Variants in SUN1 observed in about 807,000 individuals in gnomAD.
SUN1 encodes Sad1 and UNC84 domain containing 1.
In SUN1, 61 loss-of-function variants were observed where a neutral mutation model predicts 103.2. The ratio of observed to expected loss-of-function variants is 0.59; its 90% CI spans 0.48 to 0.73. SUN1 has a LOEUF of 0.73. Ranked by LOEUF, SUN1 falls within the 30% of genes least tolerant of loss-of-function variation. SUN1 has a pLI of 0.00. For missense variants in SUN1, 1,052 were observed against 1,034.6 expected, an observed-to-expected ratio of 1.02 and a Z score of -0.23; for synonymous variants, 490 against 425.7, an observed-to-expected ratio of 1.15 and a Z score of -1.86.
In SUN1 at chr7:842,021, T is replaced by C; in HGVS notation, c.342T>C (p.Ser114=). 6.2e-7 allele frequency: 1 copy of C among 1,614,214 alleles called. No homozygotes were observed. Among genetic ancestry groups the C allele is most frequent in the Non-Finnish European group, 8.5e-7 (1 of 1,180,030 alleles). The change falls in exon 3 of 19, where the codon TCT becomes TCC. Residue 114 remains serine, a synonymous_variant. Transcript: ENST00000401592. ...INHVSRQVTS[S]GVSHGGTVSL... is the part of the protein sequence containing the mutation. ...ACGTGTCAAGGCAGGTCACGTCCTC[T>C]GGCGTCAGCCACGGCGGCACTGTCA...
Position 869,463 on chromosome 7 carries a change from A to G in SUN1, c.2095A>G (p.Thr699Ala), listed in dbSNP as rs1839834866. 6.2e-7 allele frequency: 1 copy of G among 1,613,804 alleles called. No homozygotes were observed. The highest frequency in any genetic ancestry group is 2.2e-5 in the East Asian group (1 of 44,872). The part of the protein sequence containing the change: ...AAFTLEHIPK[T>A]LSPTGNISSA... ...CTTCACTCTGGAGCACATCCCTAAG[A>G]CGCTGTCGCCAACAGGCAACATCAG... is the stretch of plus-strand genomic sequence containing the variant. The change falls in exon 17 of 19, where the codon ACG (threonine) becomes GCG (alanine). Residue 699 changes from threonine (T) to alanine (A), a missense_variant. Around this residue, in one of 2 missense-constraint regions of SUN1, gnomAD observed 206 missense variants for 260.1 expected, o/e 0.79. Transcript: ENST00000401592.
intron 1 of SUN1, among the ~76,000 whole-genome samples, chr7:834,295 G>A (rs2128235528): frequency 6.6e-6 from 1 of 152,338 alleles, no homozygotes; most frequent in South Asian, 2.1e-4. Context: ...TAAAGGTGGG[G>A]GGCTCTCTGA....
chr7:873,429 G>C lies in SUN1; in HGVS notation c.*98G>C. 1 of 1,126,692 alleles carries C rather than the reference G, an allele frequency of 8.9e-7. No homozygotes were observed. Among genetic ancestry groups the C allele is most frequent in the East Asian group, 2.4e-5 (1 of 41,896 alleles). 69.8% of individuals were successfully genotyped at this position (1,126,692 alleles called of 1,614,324 possible). On this transcript the variant is annotated 3_prime_UTR_variant, in exon 19 of 19. Coordinates refer to ENST00000401592, the MANE Select transcript of SUN1 (RefSeq NM_001130965.3). ...CGAGGGCATATACAATGATGGGACA[G>C]TGCCACACTCCTTCAATAAACGTGG... is the stretch of plus-strand genomic sequence containing the variant.
At chr7:831,322 C>A (rs902177581), upstream of SUN1, among the ~76,000 whole-genome samples, 1 of 149,002 alleles carries the variant, frequency 6.7e-6, no homozygotes, top group South Asian at 2.1e-4. Flanking sequence ...CCCAGGCTGG[C>A]GTACAGTGGT....
chr7:852,165 AT>A, intron 7 of SUN1, 122 bp downstream of exon 7: 1 of 911,400 alleles, frequency 1.1e-6, no homozygotes, highest in Non-Finnish European at 1.7e-6. Context: ...GTGTTTGTAT[AT>A]TTTACAAAAG....
intron 5 of SUN1, chr7:849,928 G>A (rs201557688): frequency 2.1e-5 from 34 of 1,596,044 alleles, no homozygotes; most frequent in Middle Eastern, 1.7e-4. Flanking sequence ...TGCAGGCGAC[G>A]ACTGTAAGGG....
chr7:845,327 C>CG (rs1358626497), intron 5 of SUN1, among the ~76,000 whole-genome samples: 1 of 152,210 alleles, frequency 6.6e-6, no homozygotes, highest in African/African-American at 2.4e-5. Context: ...CCGCGGATGT[C>CG]GGTCTTGGGT....
intron 15 of SUN1, among the ~76,000 whole-genome samples, chr7:865,154 G>A (rs767760425): frequency 1.3e-5 from 2 of 152,090 alleles, no homozygotes; most frequent in African/African-American, 2.4e-5. Flanking sequence ...TGACAGGCTC[G>A]CTGTATCACC....
At position 838,960 on chromosome 7, in the gene SUN1, T is replaced by C; in HGVS notation, c.240T>C (p.Ala80=). 6 of 1,602,552 alleles carry C rather than the reference T, an allele frequency of 3.7e-6. No individual in the cohort carries two copies. Among genetic ancestry groups the C allele is most frequent in the Non-Finnish European group, 5.1e-6 (6 of 1,175,542 alleles). ...GTGCCGACAGCGGCACCAGCAGCGC[T>C]GTCTCCCTGAAGAACCGAGCGGCCA... ...AVGADSGTSS[A]VSLKNRAART... Residue 80 remains alanine, a synonymous_variant, in exon 2 of 19, where the codon GCT becomes GCC. Coordinates refer to ENST00000401592, the MANE Select transcript of SUN1 (RefSeq NM_001130965.3).
intron 17 of SUN1, among the ~76,000 whole-genome samples, chr7:872,247 C>A (rs761656803): frequency 6.6e-6 from 1 of 152,102 alleles, no homozygotes; most frequent in Non-Finnish European, 1.5e-5. Context: ...AACGGGGAAT[C>A]GTGCTGACCT....
At chr7:821,986 C>T (rs1786549950) in intron 1 of SUN1, among the ~76,000 whole-genome samples, 2 of 152,144 alleles carry the variant, frequency 1.3e-5, no homozygotes, top group Non-Finnish European at 2.9e-5. Context: ...AAAGCCTGCC[C>T]TCGTTTTCTT....
Position 847,981 on chromosome 7 carries a change from G to A in SUN1, c.659-3403G>A, listed in dbSNP as rs1241502313. ...GCAGCGCCCTCTCTGGGATCTCCTG[G>A]GGGTTACTCCGCAGTCCAGTCTCCG... On this transcript the variant is annotated intron_variant, in intron 5 of 18. Transcript: ENST00000401592. Among the ~76,000 whole-genome samples the A allele has an allele frequency of 7.3e-5, 11 of 149,890 alleles. 1 individual carries two copies. Among genetic ancestry groups the A allele is most frequent in the Admixed American group, 2.0e-4 (3 of 15,138 alleles).
intron 6 of SUN1, 138 bp from the exon 7 acceptor site, chr7:851,812 C>T (rs1822442115): frequency 7.3e-6 from 6 of 818,150 alleles, no homozygotes; most frequent in Middle Eastern, 2.3e-4. Context: ...CCTGCCGTGG[C>T]GACTAGCATC....
chr7:847,095 G>A (rs1337649703), intron 5 of SUN1, among the ~76,000 whole-genome samples: 6 of 152,220 alleles, frequency 3.9e-5, no homozygotes, highest in African/African-American at 7.2e-5. Flanking sequence ...TCAGAGGTAC[G>A]AAGCAAATGG....
chr7:825,577 TA>T (rs1305838830), intron 1 of SUN1, among the ~76,000 whole-genome samples: 1 of 152,230 alleles, frequency 6.6e-6, no homozygotes, highest in African/African-American at 2.4e-5. Context: ...TTTTAGGTTG[TA>T]GTCATTTATT....
At chr7:862,348 C>T (rs1008023203) in intron 15 of SUN1, among the ~76,000 whole-genome samples, 3 of 152,076 alleles carry the variant, frequency 2.0e-5, no homozygotes, top group African/African-American at 4.8e-5. Context: ...CATGTGGTTG[C>T]GCAGGATCCT....
rs1420292798 is a variant in SUN1 at position 869,396 on chromosome 7, G to C, written c.2028G>C (p.Gly676=). 5 of 1,613,740 alleles carry C rather than the reference G, an allele frequency of 3.1e-6. No individual in the cohort carries two copies. In the African/African-American group the frequency reaches 4.0e-5, roughly 13 times the overall value. ...GCTGGGCATTTAAAGGCTCCCAGGG[G>C]TACCTGGTGGTGAGGCTCTCCATGA... ...GNCWAFKGSQ[G]YLVVRLSMMI... Residue 676 remains glycine (G), a synonymous_variant, in exon 17 of 19, where the codon GGG becomes GGC. Coordinates refer to ENST00000401592, the MANE Select transcript of SUN1 (RefSeq NM_001130965.3).
Position 851,407 on chromosome 7 carries a change from C to G in SUN1, c.682C>G (p.Arg228Gly). 1 of 1,607,618 alleles carries G rather than the reference C, an allele frequency of 6.2e-7. No homozygotes were observed. Among genetic ancestry groups the G allele is most frequent in the Non-Finnish European group, 8.5e-7 (1 of 1,177,012 alleles). The change falls in exon 6 of 19, where the codon CGC becomes GGC. Residue 228 changes from arginine to glycine, a missense_variant. Arg to Gly is a moderately radical substitution (Grantham distance 125). Around this residue, in one of 2 missense-constraint regions of SUN1, gnomAD observed 846 missense variants for 774.5 expected, o/e 1.09. Coordinates refer to ENST00000401592, the MANE Select transcript of SUN1 (RefSeq NM_001130965.3). ...AGGTTACTTCTTGCTGCAGATTCTG[C>G]GCAGGATCGGAGCTGTGGGCCAGGC... ...QKCYFLLQIL[R>G]RIGAVGQAVS...
At chr7:829,323 A>G (rs538492160), upstream of SUN1, among the ~76,000 whole-genome samples, 15 of 152,276 alleles carry the variant, frequency 9.9e-5, no homozygotes, top group South Asian at 3.1e-3. Context: ...GAGACTGGGA[A>G]TGGTGTTGTG....
Sources: gnomAD v4.1 joint callset for allele counts (sites outside exome capture counted in the v4.1 genomes callset) on GRCh38, gnomAD v4.1.1 for gene constraint, gnomAD v4.1.1 regional missense constraint, MANE v1.5 for transcripts, NCBI Gene and HGNC (gene_info 2026-07-23, HGNC 2026-07-21) for gene names.